SOX6: variants seen among roughly 807,000 people sequenced by gnomAD.
SOX6 encodes SRY-box transcription factor 6.
A neutral mutation model predicts 97.8 loss-of-function variants in SOX6; 11 were observed. That is an observed-to-expected ratio of 0.11 (90% CI 0.07 to 0.19). SOX6 has a LOEUF of 0.19. SOX6 is among the 10% of genes least tolerant of loss of function. The pLI, the probability that SOX6 is intolerant of heterozygous loss-of-function variation, is 1.00. For missense variants in SOX6, 810 were observed against 1,039.5 expected, an observed-to-expected ratio of 0.78 and a Z score of 3.04; for synonymous variants, 360 against 371.4, an observed-to-expected ratio of 0.97 and a Z score of 0.35.
intron 9 of SOX6, among the ~76,000 whole-genome samples, chr11:16,080,581 G>T (rs1395442905): frequency 1.3e-5 from 2 of 152,154 alleles, no homozygotes; most frequent in Non-Finnish European, 2.9e-5. Flanking sequence ...TCACTCTAAA[G>T]ATCTTATTCA....
At chr11:15,982,755 A>AT (rs1853703291) in intron 15 of SOX6, among the ~76,000 whole-genome samples, 1 of 152,016 alleles carries the variant, frequency 6.6e-6, no homozygotes, top group South Asian at 2.1e-4. Context: ...ATAATGTAAC[A>AT]TTTTCTCGAA....
upstream of SOX6, among the ~76,000 whole-genome samples, chr11:16,360,723 G>T (rs1401606581): frequency 1.3e-5 from 2 of 152,140 alleles, no homozygotes; most frequent in Non-Finnish European, 2.9e-5. Context: ...GAAGTTTTTG[G>T]CCAGGCACAG....
intron 9 of SOX6, among the ~76,000 whole-genome samples, chr11:16,070,464 T>G (rs1200893125): frequency 6.6e-6 from 1 of 152,100 alleles, no homozygotes; most frequent in African/African-American, 2.4e-5. Flanking sequence ...TTGCACCAAT[T>G]ATTTTGGAAT....
At chr11:16,698,986 C>G (rs1267622216) in intron 3 of SOX6, among the ~76,000 whole-genome samples, 1 of 152,096 alleles carries the variant, frequency 6.6e-6, no homozygotes, top group African/African-American at 2.4e-5. Flanking sequence ...ATGAAGTGAG[C>G]ATATATTGTT....
chr11:16,069,754 C>T (rs1305694645), intron 9 of SOX6, among the ~76,000 whole-genome samples: 1 of 152,134 alleles, frequency 6.6e-6, no homozygotes, highest in African/African-American at 2.4e-5. Context: ...TGCCTTTTCA[C>T]AACAACCAAA....
chr11:16,340,454 G>T (rs1795643800), intron 2 of SOX6, among the ~76,000 whole-genome samples: 1 of 151,968 alleles, frequency 6.6e-6, no homozygotes. Context: ...TCTACTTTTT[G>T]AGAAAACTCC....
At chr11:16,612,624 A>G (rs879861372) in intron 3 of SOX6, among the ~76,000 whole-genome samples, 1 of 151,980 alleles carries the variant, frequency 6.6e-6, no homozygotes, top group African/African-American at 2.4e-5. Context: ...AGAAAAGGAG[A>G]AAAAGCCTGG....
intron 4 of SOX6, among the ~76,000 whole-genome samples, chr11:16,502,328 G>A (rs1860721309): frequency 6.6e-6 from 1 of 152,112 alleles, no homozygotes; most frequent in African/African-American, 2.4e-5. Context: ...GAGGGAGTGG[G>A]GAGGGATAGC....
intron 13 of SOX6, among the ~76,000 whole-genome samples, chr11:16,006,080 G>C (rs12278364): frequency 0.31 from 46,576 of 151,810 alleles, 8,483 homozygotes; most frequent in Non-Finnish European, 0.4. Flanking sequence ...CAGGAGGAGA[G>C]GAGGAAAGGA....
chr11:16,050,572 A>C (rs967091534), intron 10 of SOX6, among the ~76,000 whole-genome samples: 2 of 152,174 alleles, frequency 1.3e-5, no homozygotes, highest in African/African-American at 4.8e-5. Context: ...ATTATGTTAC[A>C]CATACTATGC....
chr11:16,552,624 A>G, intron 4 of SOX6, among the ~76,000 whole-genome samples: 1 of 152,202 alleles, frequency 6.6e-6, no homozygotes, highest in African/African-American at 2.4e-5. Flanking sequence ...CATGACACTT[A>G]ATAAAGGAAT....
chr11:16,493,641 T>C (rs1271108335), intron 4 of SOX6, among the ~76,000 whole-genome samples: 1 of 152,158 alleles, frequency 6.6e-6, no homozygotes, highest in African/African-American at 2.4e-5. Context: ...GGGTATTATA[T>C]TCTATAATAA....
At chr11:16,166,781 T>C (rs1455176339) in intron 6 of SOX6, among the ~76,000 whole-genome samples, 1 of 152,048 alleles carries the variant, frequency 6.6e-6, no homozygotes, top group Non-Finnish European at 1.5e-5. Context: ...AAGACAAAGA[T>C]AAATGTGAGG....
At chr11:16,116,008 T>C (rs1276554540) in intron 6 of SOX6, among the ~76,000 whole-genome samples, 1 of 152,206 alleles carries the variant, frequency 6.6e-6, no homozygotes, top group East Asian at 1.9e-4. Context: ...TTCCAAGGGT[T>C]AAAATTGACT....
chr11:16,195,519 C>T (rs1233677596), intron 4 of SOX6, among the ~76,000 whole-genome samples: 1 of 152,086 alleles, frequency 6.6e-6, no homozygotes, highest in Non-Finnish European at 1.5e-5. Context: ...CAAAATAAGG[C>T]AAAAAGCTTG....
chr11:16,280,647 A>G (rs1434634227), intron 3 of SOX6, among the ~76,000 whole-genome samples: 3 of 152,052 alleles, frequency 2.0e-5, no homozygotes, highest in African/African-American at 7.2e-5. Context: ...CCCAATCCAA[A>G]TCAAACTGTG....
At chr11:16,204,736 A>G (rs1728112706) in intron 4 of SOX6, among the ~76,000 whole-genome samples, 1 of 152,086 alleles carries the variant, frequency 6.6e-6, no homozygotes, top group African/African-American at 2.4e-5. Flanking sequence ...TTAAGAGTAC[A>G]CTTATTCAAA....
intron 3 of SOX6, among the ~76,000 whole-genome samples, chr11:16,636,747 G>A (rs1038836873): frequency 2.0e-5 from 3 of 152,138 alleles, no homozygotes; most frequent in Non-Finnish European, 4.4e-5. Context: ...TTGCCTCCAT[G>A]ATGTTCTCAT....
Position 16,735,035 on chromosome 11 carries a change from A to C in SOX6, n.353+1304T>G, listed in dbSNP as rs538439156. The stretch of plus-strand genomic sequence containing the variant: ...AATTCTATCAACTTAATTCTGTATA[A>C]AATGGGGAGCTCCAAGAAGTTTTTG... On this transcript the variant is annotated intron_variant and non_coding_transcript_variant, in intron 2 of 5. Coordinates refer to the SOX6 transcript ENST00000524520. Among the ~76,000 whole-genome samples the C allele has an allele frequency of 1.2e-4, 19 of 152,288 alleles. No individual in the cohort carries two copies. The East Asian group carries it at 2.5e-3, about 20-fold the overall frequency.
Sources: allele counts gnomAD v4.1 joint callset (sites outside exome capture counted in the v4.1 genomes callset), GRCh38; gene constraint gnomAD v4.1.1; transcripts MANE v1.5; gene names NCBI Gene and HGNC (gene_info 2026-07-23, HGNC 2026-07-21).